RSU1: variants seen among roughly 807,000 people sequenced by gnomAD.
The protein encoded by RSU1 is rsu-1.
A neutral mutation model predicts 31.1 loss-of-function variants in RSU1; 26 were observed. That is an observed-to-expected ratio of 0.84 (90% CI 0.61 to 1.16). RSU1 has a LOEUF of 1.16. Among genes scored for constraint, RSU1 ranks in the 50% most tolerant of loss-of-function variants. The pLI is 0.00. For missense variants in RSU1, 320 were observed against 339.1 expected (o/e 0.94, Z 0.44); for synonymous variants, 164 against 136.3 (o/e 1.20, Z -1.41).
intron 8 of RSU1, among the ~76,000 whole-genome samples, chr10:16,605,170 G>A (rs76336586): frequency 0.063 from 9,584 of 152,186 alleles, 811 homozygotes; most frequent in African/African-American, 0.19. Flanking sequence ...AAGCAATGCT[G>A]GTCTTGATGA....
chr10:16,665,311 C>T (rs1174342890), intron 8 of RSU1, among the ~76,000 whole-genome samples: 2 of 152,096 alleles, frequency 1.3e-5, no homozygotes, highest in Non-Finnish European at 2.9e-5. Context: ...AAGAAGAACA[C>T]TATTATCATC....
At chr10:16,757,455 G>A (rs1458160245) in intron 4 of RSU1, among the ~76,000 whole-genome samples, 1 of 152,112 alleles carries the variant, frequency 6.6e-6, no homozygotes, top group African/African-American at 2.4e-5. Context: ...TTCCCAGACA[G>A]ACTACACCCA....
chr10:16,685,860 A>G (rs947861976), intron 8 of RSU1, among the ~76,000 whole-genome samples: 3 of 151,668 alleles, frequency 2.0e-5, no homozygotes, highest in South Asian at 4.1e-4. Context: ...TAAAGTGGAA[A>G]ATAATATTTT....
intron 8 of RSU1, among the ~76,000 whole-genome samples, chr10:16,672,074 G>A (rs186963455): frequency 3.6e-4 from 55 of 150,724 alleles, no homozygotes; most frequent in African/African-American, 7.0e-4. Context: ...TGAGGCAGGC[G>A]GATCATGAGG....
At chr10:16,623,480 C>G (rs1045105096) in intron 8 of RSU1, among the ~76,000 whole-genome samples, 2 of 152,212 alleles carry the variant, frequency 1.3e-5, no homozygotes, top group Non-Finnish European at 2.9e-5. Context: ...GTGAATAGTG[C>G]TGCAACAAAC....
intron 2 of RSU1, among the ~76,000 whole-genome samples, chr10:16,789,799 G>A (rs1185444441): frequency 3.9e-5 from 6 of 152,184 alleles, no homozygotes; most frequent in Non-Finnish European, 8.8e-5. Context: ...CCAAAGCAGT[G>A]AGAACAAACT....
At chr10:16,723,168 TTCTTA>T (rs1588494256) in intron 7 of RSU1, 1 of 152,074 alleles carries the variant, frequency 6.6e-6, no homozygotes, top group Admixed American at 6.6e-5. Flanking sequence ...GACTTCATTA[TTCTTA>T]TGAGTGTTTT....
intron 8 of RSU1, among the ~76,000 whole-genome samples, chr10:16,603,434 A>C (rs1833746458): frequency 6.6e-6 from 1 of 152,232 alleles, no homozygotes; most frequent in Non-Finnish European, 1.5e-5. Context: ...TTACTTAATA[A>C]AAATTCCCGG....
rs143070738 is a variant in RSU1, at chr10:16,749,667, G to A, written c.598+2872C>T. 5.1e-3 allele frequency among the ~76,000 whole-genome samples: 770 copies of A among 152,282 alleles called. 9 individuals are homozygous for A. Among genetic ancestry groups the A allele is most frequent in the African/African-American group, 0.017 (699 of 41,566 alleles). The stretch of plus-strand genomic sequence containing the variant: ...CATCCTGGGGCATGTTTACTGAGGG[G>A]AAAGAGACACGGGGACAACGCAACT... On this transcript the variant is annotated intron_variant, in intron 7 of 8. Coordinates refer to ENST00000345264, the MANE Select transcript of RSU1 (RefSeq NM_012425.4).
intron 7 of RSU1, among the ~76,000 whole-genome samples, chr10:16,732,202 C>T (rs1466597746): frequency 6.6e-6 from 1 of 152,190 alleles, no homozygotes; most frequent in Non-Finnish European, 1.5e-5. Context: ...ATATTCAAGT[C>T]ATGAAATGTA....
chr10:16,637,329 G>A (rs138855648), intron 8 of RSU1, among the ~76,000 whole-genome samples: 32 of 152,314 alleles, frequency 2.1e-4, no homozygotes, highest in African/African-American at 7.7e-4. Context: ...GGACCAAAAT[G>A]GGGTTTACGC....
chr10:16,590,916 A>C lies in RSU1; in HGVS notation c.*2478T>G, dbSNP rs1207380798. 1 of 151,146 alleles carries C rather than the reference A, an allele frequency of 6.6e-6. No homozygotes were observed. Among genetic ancestry groups the C allele is most frequent in the African/African-American group, 2.4e-5 (1 of 41,144 alleles). 9.4% of individuals were successfully genotyped at this position (151,146 alleles called of 1,614,324 possible). On this transcript the variant is annotated 3_prime_UTR_variant, in exon 9 of 9. Transcript: ENST00000345264. ...CTCCCTTTGCCCTTATTGTTGAACAATTTTTTTTTCTTGGGAACGGAATCT... is the reference window on the plus strand; with the variant it reads ...CTCCCTTTGCCCTTATTGTTGAACACTTTTTTTTTCTTGGGAACGGAATCT...
chr10:16,675,214 A>C (rs796498085), intron 8 of RSU1, among the ~76,000 whole-genome samples: 1 of 150,918 alleles, frequency 6.6e-6, no homozygotes, highest in African/African-American at 2.5e-5. Flanking sequence ...AAAAAAAAAA[A>C]AAAGAAAGAA....
At position 16,592,203 on chromosome 10, in the gene RSU1, A is replaced by C. The variant is rs1833518011; in HGVS notation, c.*1191T>G. 6.6e-6 allele frequency: 1 copy of C among 152,250 alleles called. No individual in the cohort carries two copies. The highest frequency in any genetic ancestry group is 1.5e-5 in the Non-Finnish European group (1 of 68,074). 9.4% of individuals were successfully genotyped at this position (152,250 alleles called of 1,614,324 possible). A position where few individuals can be genotyped will look rare whatever the true frequency, so the allele number is the denominator to read the frequency against. ...CTCAACTGGGAAGCCGAAAGGACACAGCAGAGAAGGGCAGGCCCCCTCTCC... is the reference window on the plus strand; with the variant it reads ...CTCAACTGGGAAGCCGAAAGGACACCGCAGAGAAGGGCAGGCCCCCTCTCC... On this transcript the variant is annotated 3_prime_UTR_variant, in exon 9 of 9. Coordinates refer to ENST00000345264, the MANE Select transcript of RSU1 (RefSeq NM_012425.4).
Position 16,645,888 on chromosome 10 carries a change from A to G in RSU1, c.731+49135T>C, listed in dbSNP as rs1480245364. On this transcript the variant is annotated intron_variant, in intron 8 of 8. Coordinates refer to ENST00000345264, the MANE Select transcript of RSU1 (RefSeq NM_012425.4). ...TATATATACATATATGTGTATATAC[A>G]TATATGTATATACACATATATGTAT... 3.5e-4 allele frequency among the ~76,000 whole-genome samples: 34 copies of G among 97,542 alleles called. 1 individual carries two copies. The highest frequency in any genetic ancestry group is 2.0e-3 in the African/African-American group (32 of 15,700). 64.0% of individuals were successfully genotyped at this position (97,542 alleles called of 152,430 possible). A position where few individuals can be genotyped will look rare whatever the true frequency, so the allele number is the denominator to read the frequency against.
At chr10:16,679,121 C>T (rs531931189) in intron 8 of RSU1, among the ~76,000 whole-genome samples, 1 of 152,206 alleles carries the variant, frequency 6.6e-6, no homozygotes, top group South Asian at 2.1e-4. Flanking sequence ...GTTTCCAGTA[C>T]TTTTTATTAC....
Position 16,593,168 on chromosome 10 carries a change from T to C in RSU1, c.*226A>G. 1.4e-6 allele frequency: 1 copy of C among 729,498 alleles called. No individual in the cohort carries two copies. 45.2% of individuals were successfully genotyped at this position (729,498 alleles called of 1,614,324 possible). On this transcript the variant is annotated 3_prime_UTR_variant, in exon 9 of 9. Transcript: ENST00000345264. ...TGAATAAGAGCTTTGTTCCCTGCTT[T>C]TGGTAATGTTAAAGAAACAAATGGA... is the stretch of plus-strand genomic sequence containing the variant.
At chr10:16,679,243 G>T (rs1835285295) in intron 8 of RSU1, among the ~76,000 whole-genome samples, 1 of 152,186 alleles carries the variant, frequency 6.6e-6, no homozygotes, top group African/African-American at 2.4e-5. Context: ...CACTGGGGAT[G>T]TCATGTGCAA....
At chr10:16,736,078 A>T (rs945290905) in intron 7 of RSU1, among the ~76,000 whole-genome samples, 4 of 152,192 alleles carry the variant, frequency 2.6e-5, no homozygotes, top group African/African-American at 9.7e-5. Flanking sequence ...GTTTGAGGCT[A>T]CTCAAGGAGC....
Sources: allele counts gnomAD v4.1 joint callset (sites outside exome capture counted in the v4.1 genomes callset), GRCh38; gene constraint gnomAD v4.1.1; transcripts MANE v1.5; gene names NCBI Gene and HGNC (gene_info 2026-07-23, HGNC 2026-07-21).